DOK6: variants seen among roughly 807,000 people sequenced by gnomAD.
The protein encoded by DOK6 is downstream of tyrosine kinase 6.
A neutral mutation model predicts 44.0 loss-of-function variants in DOK6; 22 were observed. The observed-to-expected ratio is 0.50, with a 90% CI of 0.36 to 0.71. DOK6 has a LOEUF of 0.71. DOK6 is among the 30% of genes least tolerant of loss of function. DOK6 has a pLI of 0.00. For synonymous variants in DOK6, 166 were observed against 145.5 expected, an observed-to-expected ratio of 1.14 and a Z score of -1.01; for missense variants, 340 against 416.4, an observed-to-expected ratio of 0.82 and a Z score of 1.60.
chr18:69,429,232 A>T (rs573925583), intron 1 of DOK6, among the ~76,000 whole-genome samples: 1 of 152,228 alleles, frequency 6.6e-6, no homozygotes, highest in East Asian at 1.9e-4. Flanking sequence ...CATATAAGGA[A>T]ATTATAAGAG....
At chr18:69,439,522 A>G (rs933892860) in intron 1 of DOK6, among the ~76,000 whole-genome samples, 1 of 152,228 alleles carries the variant, frequency 6.6e-6, no homozygotes, top group African/African-American at 2.4e-5. Flanking sequence ...CACCTTCATC[A>G]ATGATCTTAG....
intron 1 of DOK6, among the ~76,000 whole-genome samples, chr18:69,549,095 CAA>C (rs370363528): frequency 7.5e-6 from 1 of 132,480 alleles, no homozygotes; most frequent in African/African-American, 2.8e-5. Context: ...GACTCCGTCT[CAA>C]AAAAAAAAAA....
At chr18:69,838,245 A>C (rs1459174244) in intron 7 of DOK6, among the ~76,000 whole-genome samples, 1 of 151,840 alleles carries the variant, frequency 6.6e-6, no homozygotes, top group African/African-American at 2.4e-5. Flanking sequence ...TTTAAAAAAA[A>C]AAAAAAAACA....
chr18:69,611,391 CTGTT>C (rs1027460992), intron 3 of DOK6, among the ~76,000 whole-genome samples: 6 of 152,150 alleles, frequency 3.9e-5, no homozygotes, highest in African/African-American at 1.4e-4. Context: ...GTTTGGAAAA[CTGTT>C]TGGCAGCTTC....
At chr18:69,685,288 C>G (rs1202804727) in intron 4 of DOK6, among the ~76,000 whole-genome samples, 2 of 151,988 alleles carry the variant, frequency 1.3e-5, no homozygotes, top group African/African-American at 4.8e-5. Flanking sequence ...AAATACGTAG[C>G]CTGTCAGAAA....
At chr18:69,755,917 C>A (rs1050878503) in intron 6 of DOK6, among the ~76,000 whole-genome samples, 1 of 152,314 alleles carries the variant, frequency 6.6e-6, no homozygotes, top group African/African-American at 2.4e-5. Context: ...CCCCACCAGC[C>A]AGCTCCCACC....
chr18:69,587,765 A>AT (rs1288903067), intron 2 of DOK6, among the ~76,000 whole-genome samples: 4,598 of 120,178 alleles, frequency 0.038, 220 homozygotes, highest in African/African-American at 0.13. Context: ...TTAGATGTAA[A>AT]TTTAAACACA....
chr18:69,562,118 A>G (rs1982848153), intron 1 of DOK6, among the ~76,000 whole-genome samples: 1 of 152,198 alleles, frequency 6.6e-6, no homozygotes, highest in African/African-American at 2.4e-5. Flanking sequence ...ATTGGAAAGA[A>G]AGATTCATTT....
intron 6 of DOK6, among the ~76,000 whole-genome samples, chr18:69,755,738 G>A (rs181396195): frequency 1.4e-3 from 214 of 152,350 alleles, no homozygotes; most frequent in African/African-American, 4.6e-3. Context: ...TAGGTCCGGG[G>A]TAAAACTGGA....
rs1301153714 is a variant in DOK6 at position 69,630,556 on chromosome 18, A to G, written c.289+31058A>G. 2.6e-5 allele frequency among the ~76,000 whole-genome samples: 4 copies of G among 152,268 alleles called. No homozygotes were observed. In the East Asian group the frequency reaches 7.7e-4, roughly 29 times the overall value. ...AGAATACAGCCAAAGGGCTGAGTGTAGAGTAAGAAGGTTGCTGTTACCATA... is the reference window on the plus strand; with the variant it reads ...AGAATACAGCCAAAGGGCTGAGTGTGGAGTAAGAAGGTTGCTGTTACCATA... On this transcript the variant is annotated intron_variant, in intron 3 of 7. Transcript: ENST00000382713.
intron 6 of DOK6, 109 bp downstream of exon 6, chr18:69,739,212 C>G: frequency 6.9e-7 from 1 of 1,440,308 alleles, no homozygotes; most frequent in Non-Finnish European, 9.4e-7. Flanking sequence ...GGTGTCCACC[C>G]TGCCCTGATC....
chr18:69,789,082 A>G (rs1980516750), intron 7 of DOK6, among the ~76,000 whole-genome samples: 1 of 152,222 alleles, frequency 6.6e-6, no homozygotes, highest in African/African-American at 2.4e-5. Flanking sequence ...ATCCTTTCCA[A>G]TAATAACCAA....
chr18:69,476,164 T>C (rs929079839), intron 1 of DOK6, among the ~76,000 whole-genome samples: 25 of 152,304 alleles, frequency 1.6e-4, no homozygotes, highest in African/African-American at 6.0e-4. Flanking sequence ...GTTTTCTGTT[T>C]CTGCGTTAAT....
chr18:69,557,672 G>A (rs1028961285), intron 1 of DOK6, among the ~76,000 whole-genome samples: 5 of 152,076 alleles, frequency 3.3e-5, no homozygotes, highest in Admixed American at 2.6e-4. Flanking sequence ...TATGGGAATC[G>A]GAGGGGCACC....
chr18:69,576,874 A>G (rs185129899), intron 2 of DOK6, among the ~76,000 whole-genome samples: 128 of 152,298 alleles, frequency 8.4e-4, no homozygotes, highest in Middle Eastern at 3.4e-3. Context: ...AAAAAGTAGC[A>G]GTTTATAGAC....
intron 1 of DOK6, among the ~76,000 whole-genome samples, chr18:69,553,075 G>A (rs1982604031): frequency 6.6e-6 from 1 of 152,192 alleles, no homozygotes. Context: ...AATGTTTTAA[G>A]ATTTAACATT....
chr18:69,615,599 A>G (rs907473392), intron 3 of DOK6, among the ~76,000 whole-genome samples: 1 of 152,258 alleles, frequency 6.6e-6, no homozygotes, highest in Non-Finnish European at 1.5e-5. Flanking sequence ...CTATATAGCA[A>G]TGTCAATGTA....
At chr18:69,809,651 G>A (rs2145114127) in intron 7 of DOK6, among the ~76,000 whole-genome samples, 1 of 150,922 alleles carries the variant, frequency 6.6e-6, no homozygotes, top group Admixed American at 6.6e-5. Flanking sequence ...TGGTAAAGTT[G>A]CAGGATACAA....
At chr18:69,693,929 G>A (rs1309524019) in intron 4 of DOK6, among the ~76,000 whole-genome samples, 2 of 151,490 alleles carry the variant, frequency 1.3e-5, no homozygotes, top group African/African-American at 2.4e-5. Context: ...CGTGGTGGCG[G>A]GCGCCTGTAG....
Sources: gnomAD v4.1 joint callset for allele counts (sites outside exome capture counted in the v4.1 genomes callset) on GRCh38, gnomAD v4.1.1 for gene constraint, MANE v1.5 for transcripts, NCBI Gene and HGNC (gene_info 2026-07-23, HGNC 2026-07-21) for gene names.